Variants in ADCY7 observed in about 807,000 individuals in gnomAD.
ADCY7 encodes the protein adenylate cyclase 7, also known as adenylate cyclase type 7.
A neutral mutation model predicts 120.6 loss-of-function variants in ADCY7; 72 were observed. The ratio of observed to expected loss-of-function variants is 0.60; its 90% CI spans 0.49 to 0.73. ADCY7 has a LOEUF of 0.73. Among genes scored for constraint, ADCY7 ranks in the 30% least tolerant of loss-of-function variants. The pLI is 0.00. For missense variants in ADCY7, 1,227 were observed against 1,486.0 expected (o/e 0.83, Z 2.87); for synonymous variants, 661 against 628.0 (o/e 1.05, Z -0.78).
chr16:50,275,190 C>A (rs1173731144), intron 1 of ADCY7, among the ~76,000 whole-genome samples: 1 of 152,232 alleles, frequency 6.6e-6, no homozygotes, highest in Non-Finnish European at 1.5e-5. Context: ...GGCCTCTCCT[C>A]TCACCTCCAC....
chr16:50,300,599 TG>T, intron 8 of ADCY7, 115 bp from the exon 9 acceptor site: 1 of 1,251,926 alleles, frequency 8.0e-7, no homozygotes, highest in Non-Finnish European at 1.1e-6. Flanking sequence ...TTCTCTCCCG[TG>T]GGCTGAGCGC....
intron 1 of ADCY7, among the ~76,000 whole-genome samples, chr16:50,272,260 A>G (rs2033622525): frequency 1.3e-5 from 2 of 151,670 alleles, no homozygotes; most frequent in Non-Finnish European, 2.9e-5. Flanking sequence ...TAGGGCCCGG[A>G]TCCCTGGAGG....
Position 50,315,426 on chromosome 16 carries a change from A to C in ADCY7, c.3164A>C (p.Asn1055Thr), listed in dbSNP as rs1384571297. The C allele has an allele frequency of 6.2e-7, 1 of 1,614,016 alleles. No individual in the cohort carries two copies. Among genetic ancestry groups the C allele is most frequent in the Non-Finnish European group, 8.5e-7 (1 of 1,180,000 alleles). ...TCTTGTGAATGCCGTGGCCTGATCA[A>C]CGTCAAAGGCAAAGGCGAGCTGAGG... ...GYSCECRGLINVKGKGELRTY... is the reference protein window; with the variant it reads ...GYSCECRGLITVKGKGELRTY... The change falls in exon 26 of 26, where the codon AAC becomes ACC. Residue 1055 changes from asparagine (N) to threonine (T), a missense_variant. Physicochemically the swap from Asn to Thr is moderately conservative, Grantham distance 65 (BLOSUM62 0). Transcript: ENST00000673801.
rs151012803 is a variant in ADCY7 at position 50,277,654 on chromosome 16, G to A, written c.-268-10258G>A. ...ACTATAGGTGCATCCCATTGTGCCT[G>A]GCTACCATGGTAGGTTTTTTTTTTT... On this transcript the variant is annotated intron_variant, in intron 1 of 25. Transcript: ENST00000673801. Among the ~76,000 whole-genome samples, 384 of 149,928 alleles carry A rather than the reference G, an allele frequency of 2.6e-3. 2 individuals carry two copies. Among genetic ancestry groups the A allele is most frequent in the African/African-American group, 8.8e-3 (359 of 40,796 alleles).
chr16:50,275,479 T>C (rs2033828833), intron 1 of ADCY7, among the ~76,000 whole-genome samples: 1 of 152,190 alleles, frequency 6.6e-6, no homozygotes, highest in African/African-American at 2.4e-5. Context: ...AGGAGGTTCA[T>C]TAGGGATTCA....
intron 1 of ADCY7, among the ~76,000 whole-genome samples, chr16:50,282,336 T>A (rs1465100676): frequency 6.6e-6 from 1 of 152,226 alleles, no homozygotes; most frequent in African/African-American, 2.4e-5. Context: ...GGCCCTGCAG[T>A]TGCAGTATGG....
At chr16:50,305,746 C>G (rs1357387389) in intron 13 of ADCY7, 31 bp from the exon 14 acceptor site, 4 of 1,597,136 alleles carry the variant, frequency 2.5e-6, no homozygotes, top group Non-Finnish European at 3.4e-6. Flanking sequence ...CTTCCCAGCC[C>G]CCATCTCACC....
intron 2 of ADCY7, among the ~76,000 whole-genome samples, chr16:50,288,615 T>C (rs747193237): frequency 1.3e-5 from 2 of 152,154 alleles, no homozygotes; most frequent in Non-Finnish European, 2.9e-5. Flanking sequence ...GTAGCTAGGA[T>C]GACAGGTGCA....
At position 50,305,538 on chromosome 16, in the gene ADCY7, CGTACGATGACGA is replaced by C; in HGVS notation, c.1633_1644del (p.Tyr545_Glu548del). ...CCCAAGGGGCGGTCGGAGGATGACT[CGTACGATGACGA>C]GATGCTGTCAGCCATTGAGGGGCTC... On this transcript the variant is annotated inframe_deletion, in exon 13 of 26. Transcript: ENST00000673801. 6.2e-7 allele frequency: 1 copy of C among 1,609,368 alleles called. No individual in the cohort carries two copies. The highest frequency in any genetic ancestry group is 8.5e-7 in the Non-Finnish European group (1 of 1,177,554).
rs373291255 is a variant in ADCY7 at position 50,312,012 on chromosome 16, C to A, written c.2449-24C>A. 3 of 1,613,238 alleles carry A rather than the reference C, an allele frequency of 1.9e-6. No homozygotes were observed. The East Asian group carries it at 6.7e-5, about 36-fold the overall frequency. On this transcript the variant is annotated intron_variant, in intron 20 of 25. Transcript: ENST00000673801. ...GGCTCCCACTTGCCTGTGGACGGGG[C>A]GCTTATGTTGCTGCCGTTTGCAGAT...
intron 24 of ADCY7, 65 bp from the exon 25 acceptor site, chr16:50,314,949 T>C: frequency 2.5e-6 from 4 of 1,591,262 alleles, no homozygotes; most frequent in Non-Finnish European, 3.4e-6. Context: ...TTCTCTGGCC[T>C]CCTCTAAGGG....
rs369921232 is a variant in ADCY7, at chr16:50,312,873, G to A, written c.2605-17G>A. ...CAAGAGGTGAAGTGGTGTAAGGTCC[G>A]GTTTCTTCCCATCCAGGACTGGTAC... On this transcript the variant is annotated splice_polypyrimidine_tract_variant and intron_variant, in intron 21 of 25. Transcript: ENST00000673801. 20 of 1,612,302 alleles carry A rather than the reference G, an allele frequency of 1.2e-5. No homozygotes were observed. The highest frequency in any genetic ancestry group is 1.5e-5 in the Non-Finnish European group (18 of 1,179,052).
chr16:50,290,369 G>T lies in ADCY7; in HGVS notation c.172-88G>T, dbSNP rs1037583328. ...ACCCTTCACGTGGAGGAAGCTGTAA[G>T]TGAGGCAGCCGGCCCGGCAGGCTTT... On this transcript the variant is annotated intron_variant, in intron 2 of 25. Transcript: ENST00000673801. 4.1e-6 allele frequency: 6 copies of T among 1,450,488 alleles called. No homozygotes were observed. In the Admixed American group the frequency reaches 9.2e-5, roughly 22 times the overall value. The allele number at this position is 1,450,488 out of a possible 1,614,324, so 89.9% of individuals were successfully genotyped here. A position where few individuals can be genotyped will look rare whatever the true frequency, so the allele number is the denominator to read the frequency against.
At chr16:50,307,011 C>T (rs2036111017) in intron 14 of ADCY7, 39 bp from the exon 15 acceptor site, 1 of 1,547,834 alleles carries the variant, frequency 6.5e-7, no homozygotes, top group East Asian at 2.3e-5. Flanking sequence ...GCAAGTGGCA[C>T]TGCTGGTGGC....
rs1036897552 is a variant in ADCY7, at chr16:50,294,521, G to A, written c.837-119G>A. ...ATCCCTATGGAGGCTGAGGAAGGAC[G>A]GGGGTGAATGGGCTCAGGCCTGGCA... On this transcript the variant is annotated intron_variant, in intron 6 of 25. Coordinates refer to ENST00000673801, the MANE Select transcript of ADCY7 (RefSeq NM_001114.5). 32 of 633,444 alleles carry A rather than the reference G, an allele frequency of 5.1e-5. 1 individual carries two copies. The highest frequency in any genetic ancestry group is 4.2e-4 in the Middle Eastern group (1 of 2,402). The allele number at this position is 633,444 out of a possible 1,614,324, so 39.2% of individuals were successfully genotyped here.
At chr16:50,275,421 A>G (rs1439582384) in intron 1 of ADCY7, among the ~76,000 whole-genome samples, 1 of 152,148 alleles carries the variant, frequency 6.6e-6, no homozygotes, top group Admixed American at 6.5e-5. Context: ...TTCTTAGGGG[A>G]GGAGTTCCTA....
intron 1 of ADCY7, among the ~76,000 whole-genome samples, chr16:50,276,378 C>T (rs2033892650): frequency 6.6e-6 from 1 of 152,232 alleles, no homozygotes; most frequent in African/African-American, 2.4e-5. Context: ...GGCCCTCTCA[C>T]TTCTGCACCC....
chr16:50,263,774 C>T (rs1030348278), upstream of ADCY7, among the ~76,000 whole-genome samples: 1 of 151,942 alleles, frequency 6.6e-6, no homozygotes, highest in Non-Finnish European at 1.5e-5. Flanking sequence ...CTTGCCCTGC[C>T]TCCTATGCCC....
upstream of ADCY7, among the ~76,000 whole-genome samples, chr16:50,266,148 G>A (rs2033201310): frequency 1.3e-5 from 2 of 152,126 alleles, no homozygotes; most frequent in Admixed American, 1.3e-4. Context: ...TACATAGATA[G>A]GGAAATTGAG....
Sources: allele counts gnomAD v4.1 joint callset (sites outside exome capture counted in the v4.1 genomes callset), GRCh38; gene constraint gnomAD v4.1.1; transcripts MANE v1.5; gene names NCBI Gene and HGNC (gene_info 2026-07-23, HGNC 2026-07-21).